The following DRAXIN variants were observed in gnomAD, a reference collection of about 807,000 sequenced individuals.
The protein encoded by DRAXIN is dorsal inhibitory axon guidance protein.
Under a neutral mutation model 33.9 loss-of-function variants are expected in DRAXIN, and 27 were observed. The ratio of observed to expected loss-of-function variants is 0.80; its 90% CI spans 0.59 to 1.10. The LOEUF (loss-of-function observed/expected upper bound fraction) is 1.10, where lower values mean the gene tolerates loss of function less well. DRAXIN is among the 50% of genes least tolerant of loss of function. The pLI, the probability that DRAXIN is intolerant of heterozygous loss-of-function variation, is 0.00. For synonymous variants in DRAXIN, 178 were observed against 194.0 expected (o/e 0.92, Z 0.69); for missense variants, 371 against 460.8 (o/e 0.81, Z 1.78).
intron 3 of DRAXIN, among the ~76,000 whole-genome samples, chr1:11,710,615 G>A (rs560922884): frequency 2.0e-5 from 3 of 152,048 alleles, no homozygotes; most frequent in Non-Finnish European, 2.9e-5. Flanking sequence ...CCTCTTCTGT[G>A]GCTTTTAAAG....
upstream of DRAXIN, among the ~76,000 whole-genome samples, chr1:11,687,401 G>C (rs6680400): frequency 6.6e-6 from 1 of 152,168 alleles, no homozygotes; most frequent in Non-Finnish European, 1.5e-5. This position sits in a 1 kb window ranked among gnomAD's most constrained non-coding sequence, Gnocchi z 4.1. Flanking sequence ...CATCACGCTT[G>C]GCTAATTTTT....
At position 11,724,212 on chromosome 1, in the gene DRAXIN, G is replaced by GT. The variant is rs1268553454; in HGVS notation, c.*4517dup. 1 of 152,316 alleles carries GT rather than the reference G, an allele frequency of 6.6e-6. No homozygotes were observed. Among genetic ancestry groups the GT allele is most frequent in the Non-Finnish European group, 1.5e-5 (1 of 68,096 alleles). 9.4% of individuals were successfully genotyped at this position (152,316 alleles called of 1,614,324 possible). A position where few individuals can be genotyped will look rare whatever the true frequency, so the allele number is the denominator to read the frequency against. On this transcript the variant is annotated 3_prime_UTR_variant, in exon 7 of 7. Coordinates refer to ENST00000294485, the MANE Select transcript of DRAXIN (RefSeq NM_198545.4). ...CAGGCACCGAGGCAGGGCTGGAGGA[G>GT]TAAGTGGCTTTGCAATAAAATGGGT...
upstream of DRAXIN, among the ~76,000 whole-genome samples, chr1:11,690,586 C>T (rs1328835318): frequency 6.6e-6 from 1 of 152,184 alleles, no homozygotes; most frequent in Admixed American, 6.5e-5. This position sits in a 1 kb window ranked among gnomAD's most constrained non-coding sequence, Gnocchi z 4.2. Context: ...TCTAAAACCT[C>T]AAAGTCATAA....
upstream of DRAXIN, among the ~76,000 whole-genome samples, chr1:11,690,550 C>T (rs1409070958): frequency 1.3e-5 from 2 of 152,214 alleles, no homozygotes; most frequent in African/African-American, 4.8e-5. The surrounding 1 kb of genome is among the most constrained non-coding windows in gnomAD (Gnocchi z 4.2). Context: ...GGAACACAGA[C>T]ATTTAGCCTG....
upstream of DRAXIN, chr1:11,691,653 T>C (rs1472724682): frequency 5.0e-5 from 7 of 138,898 alleles, no homozygotes; most frequent in Admixed American, 4.9e-4. Context: ...CCCTCCTCTG[T>C]CCCCTCCCCG....
intron 1 of DRAXIN, among the ~76,000 whole-genome samples, chr1:11,699,402 A>T (rs780391629): frequency 3.9e-5 from 6 of 152,084 alleles, no homozygotes; most frequent in Non-Finnish European, 8.8e-5. Context: ...CCTACTTGCG[A>T]TCAGACTAAC....
Position 11,704,919 on chromosome 1 carries a change from G to A in DRAXIN, c.-10-1330G>A, listed in dbSNP as rs1409440113. On this transcript the variant is annotated intron_variant, in intron 1 of 6. Transcript: ENST00000294485. This position sits in a 1 kb window ranked among gnomAD's most constrained non-coding sequence, Gnocchi z 4.6. ...AGCCACCACAGACCCTGCGAGGCTG[G>A]AGAAGGTGTTTCCCCCCTCCCCTCC... is the stretch of plus-strand genomic sequence containing the variant. Among the ~76,000 whole-genome samples the A allele has an allele frequency of 6.6e-6, 1 of 152,186 alleles. No homozygotes were observed. Among genetic ancestry groups the A allele is most frequent in the Non-Finnish European group, 1.5e-5 (1 of 68,018 alleles).
At chr1:11,697,090 T>C (rs1329895604) in intron 1 of DRAXIN, among the ~76,000 whole-genome samples, 2 of 149,256 alleles carry the variant, frequency 1.3e-5, no homozygotes, top group Non-Finnish European at 3.0e-5. Flanking sequence ...TCATGACAGC[T>C]AACATTTTAC....
intron 1 of DRAXIN, among the ~76,000 whole-genome samples, chr1:11,697,042 TAAA>T (rs3073070): frequency 1.9e-4 from 27 of 140,288 alleles, no homozygotes; most frequent in South Asian, 4.6e-4. Context: ...TCTTAATAAT[TAAA>T]AAAAAAAAAA....
chr1:11,699,316 C>T (rs1401412001), intron 1 of DRAXIN, among the ~76,000 whole-genome samples: 5 of 152,100 alleles, frequency 3.3e-5, no homozygotes, highest in Non-Finnish European at 1.5e-5. Context: ...CAGTGTAGCA[C>T]TCCACCACCA....
intron 5 of DRAXIN, 99 bp downstream of exon 5, chr1:11,712,528 T>A: frequency 8.6e-7 from 1 of 1,156,676 alleles, no homozygotes; most frequent in Non-Finnish European, 1.3e-6. Context: ...TGAGAATCCT[T>A]GACCCTTCAT....
rs1641193185 is a variant in DRAXIN at position 11,696,418 on chromosome 1, T to C, written c.-11+4565T>C. Among the ~76,000 whole-genome samples, 1 of 152,080 alleles carries C rather than the reference T, an allele frequency of 6.6e-6. No homozygotes were observed. ...CTGGCCAAGGTGGTAAAACCCCGTC[T>C]CTACTAAAAATACAAAAATTAGCCG... On this transcript the variant is annotated intron_variant, in intron 1 of 6. Transcript: ENST00000294485. This position sits in a 1 kb window ranked among gnomAD's most constrained non-coding sequence, Gnocchi z 4.7.
At chr1:11,698,489 T>C (rs1412216009) in intron 1 of DRAXIN, among the ~76,000 whole-genome samples, 1 of 152,154 alleles carries the variant, frequency 6.6e-6, no homozygotes, top group Non-Finnish European at 1.5e-5. Flanking sequence ...CTCCAATTCC[T>C]GCCGTTTCAG....
rs1464304993 is a variant in DRAXIN at position 11,694,416 on chromosome 1, A to T, written c.-11+2563A>T. Among the ~76,000 whole-genome samples the T allele has an allele frequency of 1.3e-5, 2 of 151,906 alleles. No individual in the cohort carries two copies. The highest frequency in any genetic ancestry group is 2.9e-5 in the Non-Finnish European group (2 of 67,970). Reference sequence around the variant, plus strand: ...AACCCCTGTGATACTGAGGCCCTGTATCACTCTGGAAAATGAGGGTGGTCT... The same window carrying T: ...AACCCCTGTGATACTGAGGCCCTGTTTCACTCTGGAAAATGAGGGTGGTCT... On this transcript the variant is annotated intron_variant, in intron 1 of 6. Transcript: ENST00000294485. The surrounding 1 kb of genome is among the most constrained non-coding windows in gnomAD (Gnocchi z 4.9).
At chr1:11,710,350 A>G (rs1641464504) in intron 3 of DRAXIN, among the ~76,000 whole-genome samples, 2 of 149,926 alleles carry the variant, frequency 1.3e-5, no homozygotes, top group South Asian at 2.1e-4. Flanking sequence ...AAAAAATTAG[A>G]CAGGCATGAG....
chr1:11,716,231 G>A (rs988168979), intron 6 of DRAXIN, among the ~76,000 whole-genome samples: 4 of 152,174 alleles, frequency 2.6e-5, no homozygotes, highest in South Asian at 2.1e-4. Flanking sequence ...ATAGTCTAAT[G>A]AGCGCCCATT....
rs536572765 is a variant in DRAXIN at position 11,705,552 on chromosome 1, G to T, written c.-10-697G>T. On this transcript the variant is annotated intron_variant, in intron 1 of 6. Coordinates refer to ENST00000294485, the MANE Select transcript of DRAXIN (RefSeq NM_198545.4). This position sits in a 1 kb window ranked among gnomAD's most constrained non-coding sequence, Gnocchi z 4.8. ...CTCATCATGAGAGGAGAAGAGAAAG[G>T]CAGAGCTGGGCCATCCTGGGACAGC... is the stretch of plus-strand genomic sequence containing the variant. 6.6e-6 allele frequency among the ~76,000 whole-genome samples: 1 copy of T among 152,284 alleles called. No homozygotes were observed. Among genetic ancestry groups the T allele is most frequent in the South Asian group, 2.1e-4 (1 of 4,830 alleles).
In DRAXIN at chr1:11,692,964, G is replaced by GGAGTC. The variant is rs1313457644; in HGVS notation, c.-11+1112_-11+1116dup. On this transcript the variant is annotated intron_variant, in intron 1 of 6. Transcript: ENST00000294485. This position sits in a 1 kb window ranked among gnomAD's most constrained non-coding sequence, Gnocchi z 5.8. ...GTGGAGGAAGGGAGGGGAGGGGAGG[G>GGAGTC]GAGTCTACAGACCTGGGATGGGGTG... 6.6e-6 allele frequency among the ~76,000 whole-genome samples: 1 copy of GGAGTC among 151,692 alleles called. No individual in the cohort carries two copies. The highest frequency in any genetic ancestry group is 6.6e-5 in the Admixed American group (1 of 15,234).
chr1:11,702,664 T>G (rs1357352966), intron 1 of DRAXIN, among the ~76,000 whole-genome samples: 1 of 151,388 alleles, frequency 6.6e-6, no homozygotes. Flanking sequence ...CACGTCATGC[T>G]CACACATACA....
Sources: allele counts gnomAD v4.1 joint callset (sites outside exome capture counted in the v4.1 genomes callset), GRCh38; gene constraint gnomAD v4.1.1; non-coding constraint Gnocchi (gnomAD v3.1); transcripts MANE v1.5; gene names NCBI Gene and HGNC (gene_info 2026-07-23, HGNC 2026-07-21).